The following HSPBP1 variants were observed in gnomAD, a reference collection of about 807,000 sequenced individuals.
HSPBP1 encodes the protein HSPA (Hsp70) binding protein 1.
A neutral mutation model predicts 41.7 loss-of-function variants in HSPBP1; 31 were observed. The ratio of observed to expected loss-of-function variants is 0.74; its 90% confidence interval spans 0.56 to 1.00. HSPBP1 has a LOEUF of 1.00. Among genes scored for constraint, HSPBP1 ranks in the 50% least tolerant of loss-of-function variants. The pLI is 0.00. For synonymous variants in HSPBP1, 199 were observed against 214.4 expected, an observed-to-expected ratio of 0.93 and a Z score of 0.63; for missense variants, 439 against 487.9, an observed-to-expected ratio of 0.90 and a Z score of 0.94.
At chr19:55,274,359 C>CCCCCCCCCCCCCCG in intron 4 of HSPBP1, 39 bp downstream of exon 4, 3 of 853,668 alleles carry the variant, frequency 3.5e-6, no homozygotes, top group Non-Finnish European at 5.2e-6. Flanking sequence ...CCCCCCCCAC[C>CCCCCCCCCCCCCCG]GCCAGCACCC....
intron 6 of HSPBP1, 32 bp downstream of exon 6, chr19:55,265,854 C>T: frequency 6.6e-7 from 1 of 1,525,038 alleles, no homozygotes; most frequent in Non-Finnish European, 8.9e-7. Context: ...GGCCCCCACC[C>T]CAGGCCCCGT....
rs1223454961 is a variant in HSPBP1 at position 55,272,094 on chromosome 19, C to T, written c.640+2304G>A. Among the ~76,000 whole-genome samples, 4 of 151,672 alleles carry T rather than the reference C, an allele frequency of 2.6e-5. No homozygotes were observed. The highest frequency in any genetic ancestry group is 9.7e-5 in the African/African-American group (4 of 41,348). ...AAAAAAAGAAAAAAAAAAAAGCCAA[C>T]CTCGAACAGATTAAATGTAGAGTTA... is the stretch of plus-strand genomic sequence containing the variant. On this transcript the variant is annotated intron_variant, in intron 4 of 7. Transcript: ENST00000433386. This position sits in a 1 kb window ranked among gnomAD's most constrained non-coding sequence, Gnocchi z 4.2.
Position 55,265,402 on chromosome 19 carries a change from T to C in HSPBP1, c.894-13A>G, listed in dbSNP as rs2122807597. 6.2e-7 allele frequency: 1 copy of C among 1,608,676 alleles called. No homozygotes were observed. Among genetic ancestry groups the C allele is most frequent in the Non-Finnish European group, 8.5e-7 (1 of 1,176,066 alleles). On this transcript the variant is annotated splice_polypyrimidine_tract_variant and intron_variant, in intron 6 of 7. Transcript: ENST00000433386. ...GTCTGTCACCAGGCTGTGAGGGACA[T>C]GACAGCGGCCCTTAGGACCTCCCTC...
At chr19:55,266,088 G>A in intron 5 of HSPBP1, 43 bp downstream of exon 5, 1 of 1,584,164 alleles carries the variant, frequency 6.3e-7, no homozygotes, top group Non-Finnish European at 8.6e-7. Flanking sequence ...CCACCCCAGG[G>A]CGTCTGCTCC....
In HSPBP1 at chr19:55,274,415, G is replaced by A; in HGVS notation, c.623C>T (p.Ala208Val). The A allele has an allele frequency of 6.4e-7, 1 of 1,571,156 alleles. No individual in the cohort carries two copies. ...RDACDTVRVKALFAISCLVRE... is the reference protein window; with the variant it reads ...RDACDTVRVKVLFAISCLVRE... ...ACACTCACAGGAGATGGCGAAGAGG[G>A]CCTTGACGCGCACCGTGTCGCAGGC... The change falls in exon 4 of 8, where the codon GCC (alanine) becomes GTC (valine). Residue 208 changes from alanine (A) to valine (V), a missense_variant. Coordinates refer to ENST00000433386, the MANE Select transcript of HSPBP1 (RefSeq NM_012267.5).
chr19:55,265,496 G>A (rs936073712), intron 6 of HSPBP1, 107 bp from the exon 7 acceptor site: 21 of 863,898 alleles, frequency 2.4e-5, no homozygotes, highest in South Asian at 6.8e-5. Flanking sequence ...CTGGCAAGTC[G>A]CTGCCCCACA....
chr19:55,273,642 G>A (rs528430795), intron 4 of HSPBP1, among the ~76,000 whole-genome samples: 2 of 152,282 alleles, frequency 1.3e-5, no homozygotes, highest in African/African-American at 4.8e-5. Context: ...TGTCCCAGGC[G>A]GCAGTATTTG....
At chr19:55,277,188 C>T (rs1395148355) in intron 3 of HSPBP1, among the ~76,000 whole-genome samples, 1 of 152,210 alleles carries the variant, frequency 6.6e-6, no homozygotes, top group East Asian at 1.9e-4. Flanking sequence ...TCTACTCTGC[C>T]TCAAGGGCCT....
rs2087851246 is a variant in HSPBP1 at position 55,268,844 on chromosome 19, T to C, written c.641-2558A>G. On this transcript the variant is annotated intron_variant, in intron 4 of 7. Transcript: ENST00000433386. The surrounding 1 kb of genome is among the most constrained non-coding windows in gnomAD (Gnocchi z 4.5). ...CCACCATGCCTGGCTAATTTTTTGG[T>C]ATTTTTAGTAGAGACAGGGTGTCAC... is the stretch of plus-strand genomic sequence containing the variant. 1.3e-5 allele frequency among the ~76,000 whole-genome samples: 2 copies of C among 152,102 alleles called. No individual in the cohort carries two copies. Among genetic ancestry groups the C allele is most frequent in the African/African-American group, 2.4e-5 (1 of 41,422 alleles).
intron 7 of HSPBP1, among the ~76,000 whole-genome samples, chr19:55,264,169 A>G (rs1264501242): frequency 6.6e-6 from 1 of 152,012 alleles, no homozygotes; most frequent in African/African-American, 2.4e-5. Flanking sequence ...GGGTTTTACC[A>G]TGTTGGCCAG....
In HSPBP1 at chr19:55,274,537, C is replaced by T. The variant is rs148458387; in HGVS notation, c.501G>A (p.Gln167=). 3.7e-4 allele frequency: 589 copies of T among 1,608,654 alleles called. 1 individual carries two copies. The African/African-American group carries it at 6.5e-3, about 18-fold the overall frequency. The change falls in exon 4 of 8, where the codon CAG becomes CAA. Residue 167 remains glutamine, a synonymous_variant. Coordinates refer to ENST00000433386, the MANE Select transcript of HSPBP1 (RefSeq NM_012267.5). ...GAAGLRWRAA[Q]LIGTCSQNVA... is the part of the protein sequence containing the mutation. ...CGTTCTGACTGCACGTGCCGATGAGCTGTGCCGCCCGCCACCGCAGTCCCG... is the reference window on the plus strand; with the variant it reads ...CGTTCTGACTGCACGTGCCGATGAGTTGTGCCGCCCGCCACCGCAGTCCCG...
rs938492361 is a variant in HSPBP1, at chr19:55,272,263, G to A, written c.640+2135C>T. 6.6e-5 allele frequency among the ~76,000 whole-genome samples: 10 copies of A among 152,082 alleles called. No homozygotes were observed. Among genetic ancestry groups the A allele is most frequent in the Admixed American group, 1.3e-4 (2 of 15,260 alleles). Reference sequence around the variant, plus strand: ...AACCAGGGACTGTCAGCAGACAGGCGGAGGAAGAGGCAGGGCACGGTGGAC... The same window carrying A: ...AACCAGGGACTGTCAGCAGACAGGCAGAGGAAGAGGCAGGGCACGGTGGAC... On this transcript the variant is annotated intron_variant, in intron 4 of 7. Coordinates refer to ENST00000433386, the MANE Select transcript of HSPBP1 (RefSeq NM_012267.5). This position sits in a 1 kb window ranked among gnomAD's most constrained non-coding sequence, Gnocchi z 4.2.
chr19:55,266,122 C>A lies in HSPBP1; in HGVS notation c.796+9G>T. The A allele has an allele frequency of 6.2e-7, 1 of 1,600,566 alleles. No homozygotes were observed. The highest frequency in any genetic ancestry group is 2.3e-5 in the East Asian group (1 of 44,380). ...CCCCACTCCTGCCCTCACTCAAGGG[C>A]TGCCACACCTTTGTGTTCAGGGTGG... On this transcript the variant is annotated intron_variant, in intron 5 of 7. Transcript: ENST00000433386.
intron 7 of HSPBP1, among the ~76,000 whole-genome samples, chr19:55,264,511 C>T (rs970021249): frequency 1.3e-5 from 2 of 152,120 alleles, no homozygotes; most frequent in African/African-American, 4.8e-5. Context: ...TTATTTGCCC[C>T]TTATCTAATT....
chr19:55,265,968 T>A lies in HSPBP1; in HGVS notation c.811A>T (p.Met271Leu). 1 of 1,603,226 alleles carries A rather than the reference T, an allele frequency of 6.2e-7. No homozygotes were observed. Among genetic ancestry groups the A allele is most frequent in the Non-Finnish European group, 8.5e-7 (1 of 1,176,318 alleles). Residue 271 changes from methionine to leucine, a missense_variant, in exon 6 of 8, where the codon ATG (methionine) becomes TTG (leucine). By Grantham distance (15) the Met-to-Leu change is conservative (BLOSUM62 2). Transcript: ENST00000433386. The stretch of plus-strand genomic sequence containing the variant: ...GCCACCAGCTGCTGGACCATCCCCA[T>A]GGAGCACAGGGTCCCTGGGGGGAGG... ...HPEHKGTLCS[M>L]GMVQQLVALV...
rs149194419 is a variant in HSPBP1, at chr19:55,275,035, C to T, written c.416-413G>A. Among the ~76,000 whole-genome samples, 310 of 152,344 alleles carry T rather than the reference C, an allele frequency of 2.0e-3. 3 individuals are homozygous for T. The highest frequency in any genetic ancestry group is 7.1e-3 in the African/African-American group (295 of 41,574). ...CTTGGCTAAGGTGGCCCTAAGCTGA[C>T]CACTACAGCTGCTGAGGCCGGGAGA... On this transcript the variant is annotated intron_variant, in intron 3 of 7. Transcript: ENST00000433386.
chr19:55,280,294 C>G (rs2088198253), upstream of HSPBP1: 1 of 155,626 alleles, frequency 6.4e-6, no homozygotes, highest in Non-Finnish European at 1.4e-5. Context: ...TTCGTGCGGG[C>G]GCCGCCCCTT....
chr19:55,279,314 T>G, intron 2 of HSPBP1, 85 bp downstream of exon 2: 1 of 1,213,354 alleles, frequency 8.2e-7, no homozygotes. Context: ...CTAGTCTTCT[T>G]GTGGCTCCCC....
chr19:55,266,893 A>G (rs1332126076), intron 4 of HSPBP1, among the ~76,000 whole-genome samples: 1 of 152,144 alleles, frequency 6.6e-6, no homozygotes, highest in Non-Finnish European at 1.5e-5. Flanking sequence ...CTGCAACCAC[A>G]GATATACTTT....
Sources: allele counts gnomAD v4.1 joint callset (sites outside exome capture counted in the v4.1 genomes callset), GRCh38; gene constraint gnomAD v4.1.1; non-coding constraint Gnocchi (gnomAD v3.1); transcripts MANE v1.5; gene names NCBI Gene and HGNC (gene_info 2026-07-23, HGNC 2026-07-21).